FSTL4: variants seen among roughly 807,000 people sequenced by gnomAD.
The protein encoded by FSTL4 is follistatin-related protein 4.
In FSTL4, 28 loss-of-function variants were observed where a neutral mutation model predicts 78.2. That is an observed-to-expected ratio of 0.36 (90% CI 0.27 to 0.49). The LOEUF is 0.49. Among genes scored for constraint, FSTL4 ranks in the 20% least tolerant of loss-of-function variants. FSTL4 has a pLI of 0.98. For synonymous variants in FSTL4, 422 were observed against 440.5 expected, an observed-to-expected ratio of 0.96 and a Z score of 0.53; for missense variants, 922 against 1,084.9, an observed-to-expected ratio of 0.85 and a Z score of 2.11.
At chr5:133,790,442 C>G in the FSTL4 span, among the ~76,000 whole-genome samples, 2 of 152,114 alleles carry the variant, frequency 1.3e-5, no homozygotes, top group African/African-American at 4.8e-5. Context: ...CATTTAAAAC[C>G]AAATAAAATG....
intron 2 of FSTL4, among the ~76,000 whole-genome samples, chr5:133,572,161 T>C (rs966715141): frequency 2.0e-5 from 3 of 152,106 alleles, no homozygotes; most frequent in Non-Finnish European, 4.4e-5. Context: ...GGGTGGGTGG[T>C]AGAGATGGGG....
At chr5:133,462,621 C>T (rs556764535) in intron 3 of FSTL4, among the ~76,000 whole-genome samples, 2 of 152,292 alleles carry the variant, frequency 1.3e-5, no homozygotes, top group South Asian at 2.1e-4. Flanking sequence ...GTAGACTACC[C>T]TGGCCAGTGA....
chr5:133,644,908 C>T, the FSTL4 span, among the ~76,000 whole-genome samples: 1 of 152,122 alleles, frequency 6.6e-6, no homozygotes, highest in Non-Finnish European at 1.5e-5. Context: ...ATTGGCCCCT[C>T]CCTGATTTGG....
chr5:133,591,830 A>G (rs1373437018), intron 2 of FSTL4, among the ~76,000 whole-genome samples: 1 of 152,100 alleles, frequency 6.6e-6, no homozygotes, highest in Non-Finnish European at 1.5e-5. Context: ...ACAGACTTCC[A>G]ATGCCTCTAA....
chr5:133,804,171 C>T, the FSTL4 span, among the ~76,000 whole-genome samples: 1 of 152,212 alleles, frequency 6.6e-6, no homozygotes, highest in Non-Finnish European at 1.5e-5. Flanking sequence ...GGAAAGGTTC[C>T]TGTTCTCCAT....
chr5:133,598,959 C>T (rs1760798716), intron 2 of FSTL4, among the ~76,000 whole-genome samples: 1 of 152,130 alleles, frequency 6.6e-6, no homozygotes, highest in African/African-American at 2.4e-5. Context: ...TATTTATGCC[C>T]ACAAACCAGC....
At chr5:133,519,933 T>C (rs983879733) in intron 3 of FSTL4, among the ~76,000 whole-genome samples, 6 of 152,206 alleles carry the variant, frequency 3.9e-5, no homozygotes, top group Non-Finnish European at 7.3e-5. Flanking sequence ...ATTTTTTACA[T>C]GAAATTACTT....
chr5:133,219,706 C>G (rs1751031235), intron 12 of FSTL4, among the ~76,000 whole-genome samples: 1 of 152,240 alleles, frequency 6.6e-6, no homozygotes, highest in African/African-American at 2.4e-5. Context: ...CAGGACCTCT[C>G]TGTGTCTTGT....
At chr5:133,432,052 T>A (rs776744512) in intron 3 of FSTL4, among the ~76,000 whole-genome samples, 1 of 152,120 alleles carries the variant, frequency 6.6e-6, no homozygotes. Context: ...TAAATAACAA[T>A]TCAGTAAGAC....
chr5:133,680,261 G>A, the FSTL4 span, among the ~76,000 whole-genome samples: 1 of 152,248 alleles, frequency 6.6e-6, no homozygotes, highest in Non-Finnish European at 1.5e-5. Context: ...ATGAGGCCCT[G>A]TGCTGAATTC....
At chr5:133,232,268 A>C (rs1751515557) in intron 8 of FSTL4, among the ~76,000 whole-genome samples, 2 of 152,336 alleles carry the variant, frequency 1.3e-5, no homozygotes, top group South Asian at 4.1e-4. Context: ...TAGTCAACCA[A>C]ATCAGGGCAG....
At chr5:133,478,261 C>G (rs1206363961) in intron 3 of FSTL4, among the ~76,000 whole-genome samples, 1 of 152,150 alleles carries the variant, frequency 6.6e-6, no homozygotes, top group African/African-American at 2.4e-5. Flanking sequence ...GATTTAGGCT[C>G]ACTCAGCTAC....
intron 3 of FSTL4, among the ~76,000 whole-genome samples, chr5:133,541,955 T>C (rs889720824): frequency 3.6e-5 from 3 of 82,280 alleles, no homozygotes; most frequent in East Asian, 6.1e-4. Flanking sequence ...CACACACTCT[T>C]AACTTTAAGC....
chr5:133,225,654 T>C lies in FSTL4; in HGVS notation c.1177+4A>G. The C allele has an allele frequency of 6.3e-7, 1 of 1,579,070 alleles. No homozygotes were observed. On this transcript the variant is annotated splice_donor_region_variant and intron_variant, in intron 9 of 15. Coordinates refer to ENST00000265342, the MANE Select transcript of FSTL4 (RefSeq NM_015082.2). This position sits in a 1 kb window ranked among gnomAD's most constrained non-coding sequence, Gnocchi z 4.6. Reference sequence around the variant, plus strand: ...CATAGACGTCTACCAAGGGCAGTTCTTACCTAAAAGGGAGAGCTGTTTGGA... The same window carrying C: ...CATAGACGTCTACCAAGGGCAGTTCCTACCTAAAAGGGAGAGCTGTTTGGA...
At chr5:133,365,235 AAATAATAAT>A (rs150360420) in intron 4 of FSTL4, among the ~76,000 whole-genome samples, 2 of 150,884 alleles carry the variant, frequency 1.3e-5, no homozygotes, top group East Asian at 1.9e-4. Flanking sequence ...TTAATTTCTA[AAATAATAAT>A]AATAATAATA....
chr5:133,400,940 G>T lies in FSTL4; in HGVS notation c.207C>A (p.Phe69Leu). ...GCACGCACCGGCTCCCTCGGCTGCA[G>T]AACTTCTTCCCGCAGGAGGCCAGCA... is the stretch of plus-strand genomic sequence containing the variant. The part of the protein sequence containing the change: ...NELLASCGKK[F>L]CSRGSRCVLS... Residue 69 changes from phenylalanine (F) to leucine (L), a missense_variant, in exon 4 of 16, where the codon TTC becomes TTA. By Grantham distance (22) the Phe-to-Leu change is conservative. Coordinates refer to ENST00000265342, the MANE Select transcript of FSTL4 (RefSeq NM_015082.2). 6.2e-7 allele frequency: 1 copy of T among 1,613,412 alleles called. No individual in the cohort carries two copies. Among genetic ancestry groups the T allele is most frequent in the Non-Finnish European group, 8.5e-7 (1 of 1,180,028 alleles).
chr5:133,292,907 G>A (rs1753300627), intron 6 of FSTL4, among the ~76,000 whole-genome samples: 1 of 152,208 alleles, frequency 6.6e-6, no homozygotes, highest in Non-Finnish European at 1.5e-5. Context: ...CAGCCTTCGT[G>A]GTCTAGCTTC....
chr5:133,324,709 G>T (rs574963707), intron 4 of FSTL4, among the ~76,000 whole-genome samples: 2 of 152,222 alleles, frequency 1.3e-5, no homozygotes, highest in African/African-American at 4.8e-5. Flanking sequence ...GTCTGTTACC[G>T]GTATGACTGT....
At chr5:133,427,430 A>G (rs1055983113) in intron 3 of FSTL4, among the ~76,000 whole-genome samples, 2 of 152,202 alleles carry the variant, frequency 1.3e-5, no homozygotes, top group Non-Finnish European at 2.9e-5. Context: ...CTCAATTTGC[A>G]GGGCTACTGC....
Sources: gnomAD v4.1 joint callset for allele counts (sites outside exome capture counted in the v4.1 genomes callset) on GRCh38, gnomAD v4.1.1 for gene constraint, Gnocchi (gnomAD v3.1) non-coding constraint, MANE v1.5 for transcripts, NCBI Gene and HGNC (gene_info 2026-07-23, HGNC 2026-07-21) for gene names.